TMED7: variants seen among roughly 807,000 people sequenced by gnomAD.
The protein encoded by TMED7 is transmembrane emp24 domain-containing protein 7.
TMED7 carries 8 observed loss-of-function variants against 23.4 expected under a neutral mutation model. That is an observed-to-expected ratio of 0.34 (90% confidence interval 0.20 to 0.62). TMED7 has a LOEUF of 0.62. Among genes scored for constraint, TMED7 ranks in the 20% least tolerant of loss-of-function variants. The pLI is 0.77. For synonymous variants in TMED7, 121 were observed against 108.5 expected (o/e 1.12, Z -0.72); for missense variants, 232 against 279.1 (o/e 0.83, Z 1.20).
At chr5:115,625,437 G>C (rs1757166585) in intron 1 of TMED7, among the ~76,000 whole-genome samples, 164 bp downstream of exon 1, 1 of 152,168 alleles carries the variant, frequency 6.6e-6, no homozygotes, top group African/African-American at 2.4e-5. Flanking sequence ...TCTCACCCAA[G>C]GTTTATTAGA....
chr5:115,616,903 CAA>C (rs1756782009), intron 2 of TMED7, among the ~76,000 whole-genome samples: 1 of 152,176 alleles, frequency 6.6e-6, no homozygotes, highest in African/African-American at 2.4e-5. Flanking sequence ...CTGAATTAGT[CAA>C]AGTTCTTTGA....
chr5:115,623,643 C>A (rs746073919), intron 1 of TMED7, among the ~76,000 whole-genome samples: 6 of 152,200 alleles, frequency 3.9e-5, no homozygotes, highest in Non-Finnish European at 7.3e-5. Flanking sequence ...TTCAGGCCTG[C>A]TGGAACTGTC....
chr5:115,615,277 T>C lies in TMED7; in HGVS notation c.*932A>G, dbSNP rs908073898. On this transcript the variant is annotated 3_prime_UTR_variant, in exon 3 of 3. Coordinates refer to ENST00000456936, the MANE Select transcript of TMED7 (RefSeq NM_181836.6). ...GTGCATCACATCCATGAGGATAAAA[T>C]GTATGGCACTTATGTGTGAGACTAA... The C allele has an allele frequency of 1.3e-5, 2 of 152,548 alleles. No homozygotes were observed. The highest frequency in any genetic ancestry group is 4.8e-5 in the African/African-American group (2 of 41,424). 9.4% of individuals were successfully genotyped at this position (152,548 alleles called of 1,614,324 possible).
In TMED7 at chr5:115,614,181, C is replaced by A. The variant is rs1178621125; in HGVS notation, c.*2028G>T. 6.6e-6 allele frequency: 1 copy of A among 151,958 alleles called. No individual in the cohort carries two copies. Among genetic ancestry groups the A allele is most frequent in the African/African-American group, 2.4e-5 (1 of 41,400 alleles). 9.4% of individuals were successfully genotyped at this position (151,958 alleles called of 1,614,324 possible). ...AGTATAGACAACCATCAAAATGTAACCAGTTACACAGAGACTAGACTAAGC... is the reference window on the plus strand; with the variant it reads ...AGTATAGACAACCATCAAAATGTAAACAGTTACACAGAGACTAGACTAAGC... On this transcript the variant is annotated 3_prime_UTR_variant, in exon 3 of 3. Transcript: ENST00000456936.
intron 2 of TMED7, among the ~76,000 whole-genome samples, chr5:115,618,449 C>T (rs1756880224): frequency 6.6e-6 from 1 of 152,186 alleles, no homozygotes; most frequent in Non-Finnish European, 1.5e-5. Flanking sequence ...TTAACACAAT[C>T]ATTTGGCTGA....
At chr5:115,621,052 G>C (rs965988968) in intron 1 of TMED7, among the ~76,000 whole-genome samples, 1 of 152,108 alleles carries the variant, frequency 6.6e-6, no homozygotes, top group Non-Finnish European at 1.5e-5. Context: ...AGTGGGAAAG[G>C]CAGAACTTGA....
rs1757206688 is a variant in TMED7 at position 115,625,995 on chromosome 5, AAG to A, written c.-205_-204del. The A allele has an allele frequency of 3.1e-6, 2 of 640,796 alleles. No individual in the cohort carries two copies. The highest frequency in any genetic ancestry group is 1.9e-5 in the African/African-American group (1 of 52,444). 39.7% of individuals were successfully genotyped at this position (640,796 alleles called of 1,614,324 possible). ...CAGACGGGCGGACCTGGGGAGGTAA[AAG>A]AGAAGCGGAAAAGGCCTGAGAGGGT... On this transcript the variant is annotated 5_prime_UTR_variant, in exon 1 of 3. Transcript: ENST00000456936.
At chr5:115,625,045 A>C (rs1580460048) in intron 1 of TMED7, among the ~76,000 whole-genome samples, 2 of 152,254 alleles carry the variant, frequency 1.3e-5, no homozygotes, top group East Asian at 3.8e-4. Flanking sequence ...ATTCTGTTAA[A>C]GTTTCTTTTT....
At chr5:115,625,308 T>C (rs891803163) in intron 1 of TMED7, among the ~76,000 whole-genome samples, 9 of 152,290 alleles carry the variant, frequency 5.9e-5, no homozygotes, top group Middle Eastern at 6.8e-3. Flanking sequence ...GTATAAATGA[T>C]TTTCTTTAAG....
Position 115,625,639 on chromosome 5 carries a change from C to G in TMED7, c.154G>C (p.Asp52His). 1 of 1,601,024 alleles carries G rather than the reference C, an allele frequency of 6.2e-7. No individual in the cohort carries two copies. The highest frequency in any genetic ancestry group is 1.4e-5 in the African/African-American group (1 of 73,706). The part of the protein sequence containing the change: ...PDNAKQCFYE[D>H]IAQGTKCTLE... ...GTGCACTTGGTGCCCTGAGCGATGT[C>G]CTCGTAGAAGCACTGCTTGGCGTTG... The change falls in exon 1 of 3, where the codon GAC (aspartate) becomes CAC (histidine). Residue 52 changes from aspartate to histidine, a missense_variant. Coordinates refer to ENST00000456936, the MANE Select transcript of TMED7 (RefSeq NM_181836.6).
chr5:115,620,761 G>A, intron 1 of TMED7, 81 bp from the exon 2 acceptor site: 1 of 1,302,668 alleles, frequency 7.7e-7, no homozygotes. Flanking sequence ...TATTAAAATG[G>A]CAATAAGGTG....
chr5:115,618,166 G>T (rs1298629595), intron 2 of TMED7, among the ~76,000 whole-genome samples: 1 of 152,116 alleles, frequency 6.6e-6, no homozygotes, highest in Non-Finnish European at 1.5e-5. Flanking sequence ...AAAGTACAAT[G>T]AACCCCCACC....
At chr5:115,616,967 GA>G (rs141808753) in intron 2 of TMED7, among the ~76,000 whole-genome samples, 7,713 of 152,246 alleles carry the variant, frequency 0.051, 595 homozygotes, top group African/African-American at 0.17. Context: ...TTTTAAATCT[GA>G]AAGGGATCTA....
intron 2 of TMED7, among the ~76,000 whole-genome samples, chr5:115,617,220 T>C (rs908426917): frequency 6.6e-6 from 1 of 152,208 alleles, no homozygotes; most frequent in South Asian, 2.1e-4. Flanking sequence ...TTAATATTTT[T>C]CTACTGCTGC....
intron 2 of TMED7, chr5:115,620,016 G>T (rs1756967191): frequency 6.5e-6 from 1 of 153,208 alleles, no homozygotes; most frequent in Non-Finnish European, 1.5e-5. Flanking sequence ...TGGTATAAAG[G>T]CTATGATATG....
At position 115,625,760 on chromosome 5, in the gene TMED7, C is replaced by T. The variant is rs750086396; in HGVS notation, c.33G>A (p.Ala11=). 1 of 1,526,310 alleles carries T rather than the reference C, an allele frequency of 6.6e-7. No homozygotes were observed. Among genetic ancestry groups the T allele is most frequent in the East Asian group, 2.6e-5 (1 of 37,824 alleles). The allele number at this position is 1,526,310 out of a possible 1,614,324, so 94.5% of individuals were successfully genotyped here. A position where few individuals can be genotyped will look rare whatever the true frequency, so the allele number is the denominator to read the frequency against. MPRPGSAQRW[A]AVAGRWGCRL... is the part of the protein sequence containing the mutation. ...TGCACCCCCAACGGCCCGCGACGGCCGCCCAGCGCTGCGCGGACCCCGGCC... is the reference window on the plus strand; with the variant it reads ...TGCACCCCCAACGGCCCGCGACGGCTGCCCAGCGCTGCGCGGACCCCGGCC... Residue 11 remains alanine (A), a synonymous_variant, in exon 1 of 3, where the codon GCG becomes GCA. Coordinates refer to ENST00000456936, the MANE Select transcript of TMED7 (RefSeq NM_181836.6).
At position 115,625,881 on chromosome 5, in the gene TMED7, G is replaced by A. The variant is rs1049558833; in HGVS notation, c.-89C>T. ...ACCGCGCGCGGCAGGCCTCAGCGCA[G>A]GCCACCCCGCAAAGATACACAGCAG... On this transcript the variant is annotated 5_prime_UTR_variant, in exon 1 of 3. Transcript: ENST00000456936. 7.6e-6 allele frequency: 10 copies of A among 1,319,250 alleles called. No individual in the cohort carries two copies. Among genetic ancestry groups the A allele is most frequent in the East Asian group, 3.2e-5 (1 of 31,710 alleles). 81.7% of individuals were successfully genotyped at this position (1,319,250 alleles called of 1,614,324 possible).
Position 115,616,162 on chromosome 5 carries a change from G to A in TMED7, c.*47C>T. On this transcript the variant is annotated 3_prime_UTR_variant, in exon 3 of 3. Transcript: ENST00000456936. ...CTTCAGTACCTAAAATTAATTAGAG[G>A]ACAGCAATATTACAGTGGCAATGGT... The A allele has an allele frequency of 6.5e-7, 1 of 1,549,028 alleles. No homozygotes were observed. Among genetic ancestry groups the A allele is most frequent in the Non-Finnish European group, 8.9e-7 (1 of 1,123,242 alleles).
chr5:115,621,360 TA>T (rs1757021871), intron 1 of TMED7, among the ~76,000 whole-genome samples: 1 of 152,220 alleles, frequency 6.6e-6, no homozygotes, highest in African/African-American at 2.4e-5. Context: ...TGGGCTATTC[TA>T]AAAGTATATA....
Sources: allele counts gnomAD v4.1 joint callset (sites outside exome capture counted in the v4.1 genomes callset), GRCh38; gene constraint gnomAD v4.1.1; transcripts MANE v1.5; gene names NCBI Gene and HGNC (gene_info 2026-07-23, HGNC 2026-07-21).